Variants in PCDHA1 observed in about 807,000 individuals in gnomAD.
PCDHA1 encodes the protein protocadherin alpha 1.
A neutral mutation model predicts 61.3 loss-of-function variants in PCDHA1; 42 were observed. The ratio of observed to expected loss-of-function variants is 0.69; its 90% CI spans 0.54 to 0.89. PCDHA1 has a LOEUF of 0.89. Among genes scored for constraint, PCDHA1 ranks in the 40% least tolerant of loss-of-function variants. The pLI, the probability that PCDHA1 is intolerant of heterozygous loss-of-function variation, is 0.00. For missense variants in PCDHA1, 1,256 were observed against 1,235.3 expected (o/e 1.02, Z -0.25); for synonymous variants, 610 against 553.8 (o/e 1.10, Z -1.43).
intron 1 of PCDHA1, chr5:140,796,491 G>C (rs1762092291): frequency 1.2e-6 from 2 of 1,612,282 alleles, no homozygotes; most frequent in South Asian, 2.2e-5. Flanking sequence ...GCTACGTTTC[G>C]GTGCACGCGG....
chr5:140,979,076 C>T, intron 2 of PCDHA1, 69 bp downstream of exon 2: 1 of 1,584,068 alleles, frequency 6.3e-7, no homozygotes, highest in Non-Finnish European at 8.6e-7. Flanking sequence ...AACTGCATCT[C>T]CATAGGCCAG....
intron 1 of PCDHA1, chr5:140,877,392 G>A: frequency 1.2e-6 from 2 of 1,613,970 alleles, no homozygotes; most frequent in Non-Finnish European, 1.7e-6. Flanking sequence ...TGGATGAGGC[G>A]GACGCTCCGC....
chr5:141,009,686 A>G lies in PCDHA1; in HGVS notation c.2602A>G (p.Thr868Ala). Residue 868 changes from threonine to alanine, a missense_variant, in exon 4 of 4, where the codon ACC becomes GCC. Thr to Ala is a moderately conservative substitution (Grantham distance 58). Coordinates refer to ENST00000504120, the MANE Select transcript of PCDHA1 (RefSeq NM_018900.4). ...VGAGVNSNSW[T>A]FKYGPGNPKQ... ...TGCGGGTGTCAACAGCAACAGCTGG[A>G]CCTTTAAATACGGACCAGGCAACCC... is the stretch of plus-strand genomic sequence containing the variant. The G allele has an allele frequency of 6.2e-7, 1 of 1,613,998 alleles. No homozygotes were observed. The highest frequency in any genetic ancestry group is 8.5e-7 in the Non-Finnish European group (1 of 1,179,996).
At chr5:140,840,408 T>G (rs1310565539) in intron 1 of PCDHA1, among the ~76,000 whole-genome samples, 6 of 151,960 alleles carry the variant, frequency 3.9e-5, no homozygotes, top group Admixed American at 2.0e-4. Context: ...TTAAGAATAC[T>G]TCAAATAATA....
intron 1 of PCDHA1, among the ~76,000 whole-genome samples, chr5:140,947,108 T>G (rs1419361342): frequency 6.6e-6 from 1 of 151,486 alleles, no homozygotes; most frequent in East Asian, 1.9e-4. Context: ...AATAGGTACG[T>G]GTCAATTAAA....
chr5:140,842,833 G>A (rs2150345811), intron 1 of PCDHA1: 9 of 1,593,762 alleles, frequency 5.6e-6, no homozygotes. Flanking sequence ...AGCGCTCGCT[G>A]TCGAGCTACA....
intron 1 of PCDHA1, among the ~76,000 whole-genome samples, chr5:140,950,648 T>C (rs2153690319): frequency 6.6e-6 from 1 of 152,222 alleles, no homozygotes; most frequent in East Asian, 1.9e-4. Flanking sequence ...CTGTTTATGG[T>C]TGGCTGAGTT....
At chr5:140,918,155 A>T (rs1453787502) in intron 1 of PCDHA1, among the ~76,000 whole-genome samples, 1 of 152,054 alleles carries the variant, frequency 6.6e-6, no homozygotes, top group Admixed American at 6.5e-5. Flanking sequence ...GTGTATGTCT[A>T]TTGTAAATGG....
intron 1 of PCDHA1, chr5:140,804,167 T>A (rs1312652935): frequency 6.6e-6 from 1 of 152,482 alleles, no homozygotes; most frequent in African/African-American, 2.4e-5. Flanking sequence ...ATTTTTTACT[T>A]GAATATGATT....
chr5:140,897,540 A>C (rs1554187435), intron 1 of PCDHA1, among the ~76,000 whole-genome samples: 1 of 152,052 alleles, frequency 6.6e-6, no homozygotes, highest in Non-Finnish European at 1.5e-5. Flanking sequence ...ATGGCTGCAT[A>C]GTCTTCCATG....
At chr5:140,807,690 T>C in intron 1 of PCDHA1, 5 of 1,614,210 alleles carry the variant, frequency 3.1e-6, no homozygotes, top group Non-Finnish European at 4.2e-6. Flanking sequence ...AACGCCCTGC[T>C]CACTTACAGA....
Position 140,786,148 on chromosome 5 carries a change from C to G in PCDHA1, c.-143C>G. The G allele has an allele frequency of 9.3e-7, 1 of 1,076,826 alleles. No individual in the cohort carries two copies. Among genetic ancestry groups the G allele is most frequent in the Non-Finnish European group, 1.3e-6 (1 of 745,346 alleles). 66.7% of individuals were successfully genotyped at this position (1,076,826 alleles called of 1,614,324 possible). The stretch of plus-strand genomic sequence containing the variant: ...GTCAATAGAAGGGAGCTACTGATCA[C>G]TAAAAGTGAAGGAGGAAGCTCCATT... On this transcript the variant is annotated 5_prime_UTR_variant, in exon 1 of 4. Coordinates refer to ENST00000504120, the MANE Select transcript of PCDHA1 (RefSeq NM_018900.4).
At chr5:140,855,479 C>T (rs782343023) in intron 1 of PCDHA1, among the ~76,000 whole-genome samples, 3 of 149,758 alleles carry the variant, frequency 2.0e-5, no homozygotes, top group Non-Finnish European at 3.0e-5. Context: ...TGATGCTTGA[C>T]ATTAGTGTCT....
At chr5:140,975,486 A>G (rs1260336572) in intron 1 of PCDHA1, among the ~76,000 whole-genome samples, 4 of 152,228 alleles carry the variant, frequency 2.6e-5, no homozygotes, top group African/African-American at 4.8e-5. Flanking sequence ...GTTTATATCA[A>G]TGTTCATAAA....
At chr5:140,792,754 A>G (rs536551897) in intron 1 of PCDHA1, among the ~76,000 whole-genome samples, 3 of 152,218 alleles carry the variant, frequency 2.0e-5, no homozygotes, top group Non-Finnish European at 4.4e-5. Context: ...CTATGTGTCA[A>G]CAGTGGTCAA....
chr5:140,882,480 A>T, intron 1 of PCDHA1: 1 of 1,614,020 alleles, frequency 6.2e-7, no homozygotes, highest in Non-Finnish European at 8.5e-7. Flanking sequence ...TCCAAAAGAC[A>T]CGGGGACCTT....
intron 1 of PCDHA1, chr5:140,883,985 G>A (rs782534317): frequency 1.2e-6 from 2 of 1,612,814 alleles, no homozygotes; most frequent in Admixed American, 1.7e-5. Context: ...GGCTGGCAGC[G>A]CGGGAGGCAC....
intron 1 of PCDHA1, among the ~76,000 whole-genome samples, chr5:140,874,511 C>G (rs1376439369): frequency 4.6e-5 from 7 of 152,212 alleles, no homozygotes; most frequent in Admixed American, 3.9e-4. Flanking sequence ...ATTCTCTTGA[C>G]TTTAGTCAAT....
chr5:140,889,077 T>G (rs1476404733), intron 1 of PCDHA1, among the ~76,000 whole-genome samples: 1 of 152,076 alleles, frequency 6.6e-6, no homozygotes, highest in Non-Finnish European at 1.5e-5. Flanking sequence ...CTTATTTTGT[T>G]AAATTTTCAA....
Sources: gnomAD v4.1 joint callset for allele counts (sites outside exome capture counted in the v4.1 genomes callset) on GRCh38, gnomAD v4.1.1 for gene constraint, MANE v1.5 for transcripts, NCBI Gene and HGNC (gene_info 2026-07-23, HGNC 2026-07-21) for gene names.